EYS: variants seen among roughly 807,000 people sequenced by gnomAD.
The protein encoded by EYS is EGF-like photoreceptor maintenance factor, also known as protein eyes shut homolog.
A neutral mutation model predicts 282.1 loss-of-function variants in EYS; 250 were observed. The observed-to-expected ratio is 0.89, with a 90% CI of 0.80 to 0.98. The LOEUF (loss-of-function observed/expected upper bound fraction) is 0.98, where lower values mean the gene tolerates loss of function less well. Ranked by LOEUF, EYS falls within the 50% of genes least tolerant of loss-of-function variation. The pLI is 0.00. For missense variants in EYS, 4,016 were observed against 3,709.0 expected, an observed-to-expected ratio of 1.08 and a Z score of -2.15; for synonymous variants, 1,355 against 1,282.9, an observed-to-expected ratio of 1.06 and a Z score of -1.20.
rs552106648 is a variant in EYS, at chr6:65,623,663, CAG to C, written c.-333+16113_-333+16114del. On this transcript the variant is annotated intron_variant, in intron 2 of 42. Coordinates refer to ENST00000503581, the MANE Select transcript of EYS (RefSeq NM_001142800.2). ...GATTTGCCATTTAATCAGTTCAGTT[CAG>C]AGTCTTGAGTATGTACATATGAATC... 2.5e-4 allele frequency among the ~76,000 whole-genome samples: 38 copies of C among 152,210 alleles called. 1 individual carries two copies. The South Asian group carries it at 7.5e-3, about 30-fold the overall frequency.
intron 19 of EYS, among the ~76,000 whole-genome samples, chr6:64,839,356 C>T (rs1048213222): frequency 2.0e-5 from 3 of 151,580 alleles, no homozygotes; most frequent in Non-Finnish European, 2.9e-5. Flanking sequence ...ACAAAAATAC[C>T]CAAAATTTCA....
chr6:63,862,853 C>T (rs1403128009), intron 36 of EYS, among the ~76,000 whole-genome samples: 2 of 152,178 alleles, frequency 1.3e-5, no homozygotes, highest in African/African-American at 4.8e-5. Context: ...GAATGAAATT[C>T]TTAGTACTTC....
At chr6:64,387,032 G>T (rs1363738960) in intron 29 of EYS, among the ~76,000 whole-genome samples, 1 of 152,026 alleles carries the variant, frequency 6.6e-6, no homozygotes, top group Non-Finnish European at 1.5e-5. Context: ...TTTTACATAG[G>T]ATTAATTATT....
At chr6:64,066,915 T>G (rs915975086) in intron 32 of EYS, among the ~76,000 whole-genome samples, 1 of 152,168 alleles carries the variant, frequency 6.6e-6, no homozygotes, top group Non-Finnish European at 1.5e-5. Context: ...TTAAATTTTA[T>G]TTTTGATTTC....
At chr6:65,322,562 C>A (rs1327137692) in intron 11 of EYS, among the ~76,000 whole-genome samples, 1 of 151,752 alleles carries the variant, frequency 6.6e-6, no homozygotes, top group Non-Finnish European at 1.5e-5. Context: ...TTTGGGAGAC[C>A]AAGGTGGGTG....
At chr6:64,907,194 C>A (rs1339555801) in intron 16 of EYS, among the ~76,000 whole-genome samples, 2 of 152,146 alleles carry the variant, frequency 1.3e-5, no homozygotes, top group East Asian at 3.9e-4. Context: ...GTTAGGACTG[C>A]AGGCATGAAC....
At chr6:64,582,925 G>GTGTTGGGTTTCAGCAGATACAGTTGGCCC (rs1766120509) in intron 26 of EYS, among the ~76,000 whole-genome samples, 2 of 152,160 alleles carry the variant, frequency 1.3e-5, no homozygotes, top group Admixed American at 1.3e-4. Context: ...TTGCTCCTGT[G>GTGTTGGGTTTCAGCAGATACAGTTGGCCC]TGTTGGGTTT....
At chr6:63,793,036 G>T (rs1205237341) in intron 37 of EYS, among the ~76,000 whole-genome samples, 1 of 152,092 alleles carries the variant, frequency 6.6e-6, no homozygotes, top group Non-Finnish European at 1.5e-5. Flanking sequence ...ATGAGTACAA[G>T]GTAAATATAT....
chr6:65,460,672 A>G (rs1225270618), intron 5 of EYS, among the ~76,000 whole-genome samples: 2 of 152,142 alleles, frequency 1.3e-5, no homozygotes, highest in South Asian at 2.1e-4. Context: ...AGTCAAGTAC[A>G]TGAACATTTA....
chr6:64,907,622 A>G (rs1767871499), intron 16 of EYS, among the ~76,000 whole-genome samples: 1 of 152,176 alleles, frequency 6.6e-6, no homozygotes, highest in Non-Finnish European at 1.5e-5. Context: ...CCTACTATAT[A>G]CAGATCATCT....
chr6:65,090,193 G>C (rs890793210), intron 12 of EYS, among the ~76,000 whole-genome samples: 3 of 152,094 alleles, frequency 2.0e-5, no homozygotes, highest in Non-Finnish European at 2.9e-5. Context: ...GGCAGGACCA[G>C]GTGAAAGTAA....
In EYS at chr6:64,547,789, G is replaced by A. The variant is rs1316303481; in HGVS notation, c.5644+42434C>T. 2.0e-5 allele frequency among the ~76,000 whole-genome samples: 3 copies of A among 152,326 alleles called. No individual in the cohort carries two copies. The East Asian group carries it at 5.8e-4, about 30-fold the overall frequency. On this transcript the variant is annotated intron_variant, in intron 26 of 42. Coordinates refer to ENST00000503581, the MANE Select transcript of EYS (RefSeq NM_001142800.2). ...GTGGAGCAGGGGGCGGCGTTGGTCGGGGCGGCTCGGGCTGCGCAGGAGCCC... is the reference window on the plus strand; with the variant it reads ...GTGGAGCAGGGGGCGGCGTTGGTCGAGGCGGCTCGGGCTGCGCAGGAGCCC...
intron 29 of EYS, among the ~76,000 whole-genome samples, chr6:64,367,851 T>G (rs1393605324): frequency 2.0e-5 from 3 of 152,102 alleles, no homozygotes; most frequent in African/African-American, 7.2e-5. Flanking sequence ...TCATCTTGAA[T>G]CTGGGTTTGT....
chr6:65,547,342 G>A (rs1562252511), intron 2 of EYS, among the ~76,000 whole-genome samples: 2 of 151,740 alleles, frequency 1.3e-5, no homozygotes. Context: ...GTTGGTCATA[G>A]AGGGTATTCA....
intron 42 of EYS, among the ~76,000 whole-genome samples, chr6:63,725,077 T>G (rs997538443): frequency 6.6e-6 from 1 of 152,160 alleles, no homozygotes; most frequent in Non-Finnish European, 1.5e-5. Flanking sequence ...TGTTTTTGGT[T>G]AATCTAGGTT....
chr6:64,214,131 ACTC>A lies in EYS; in HGVS notation c.6424+16458_6424+16460del, dbSNP rs553764083. Among the ~76,000 whole-genome samples the A allele has an allele frequency of 6.2e-3, 947 of 151,754 alleles. 8 individuals carry two copies. The highest frequency in any genetic ancestry group is 0.022 in the African/African-American group (906 of 41,436). ...GAAAGGGAACTGAAATGCAATATAA[ACTC>A]CTTGTGTAAGAAGAAAAATTCACCT... On this transcript the variant is annotated intron_variant, in intron 31 of 42. Transcript: ENST00000503581.
intron 11 of EYS, chr6:65,329,876 A>G: frequency 1.0e-6 from 1 of 981,300 alleles, no homozygotes; most frequent in Non-Finnish European, 1.2e-6. Flanking sequence ...ACTTCACCTG[A>G]TTTTCTTATG....
At chr6:64,808,004 T>TCCTCCCTCCCTCCTC (rs1764486604) in intron 22 of EYS, among the ~76,000 whole-genome samples, 1 of 149,624 alleles carries the variant, frequency 6.7e-6, no homozygotes, top group Non-Finnish European at 1.5e-5. Context: ...CTTACTTCCT[T>TCCTCCCTCCCTCCTC]CCTCCCTCCC....
intron 29 of EYS, among the ~76,000 whole-genome samples, chr6:64,352,763 T>A (rs762442714): frequency 6.6e-6 from 1 of 151,604 alleles, no homozygotes; most frequent in Non-Finnish European, 1.5e-5. Context: ...TACAGAATTG[T>A]AATTATTCGA....
Sources: allele counts gnomAD v4.1 joint callset (sites outside exome capture counted in the v4.1 genomes callset), GRCh38; gene constraint gnomAD v4.1.1; transcripts MANE v1.5; gene names NCBI Gene and HGNC (gene_info 2026-07-23, HGNC 2026-07-21).